FGF14: variants seen among roughly 807,000 people sequenced by gnomAD.
The protein encoded by FGF14 is fibroblast growth factor homologous factor 4.
Under a neutral mutation model 25.5 loss-of-function variants are expected in FGF14, and 5 were observed. The observed-to-expected ratio is 0.20, with a 90% CI of 0.10 to 0.41. The LOEUF (loss-of-function observed/expected upper bound fraction) is 0.41, where lower values mean the gene tolerates loss of function less well. FGF14 is among the 10% of genes least tolerant of loss of function. The pLI is 1.00. For missense variants in FGF14, 222 were observed against 320.1 expected, an observed-to-expected ratio of 0.69 and a Z score of 2.34; for synonymous variants, 138 against 118.3, an observed-to-expected ratio of 1.17 and a Z score of -1.08.
chr13:102,144,389 G>A (rs1418130526), intron 1 of FGF14, among the ~76,000 whole-genome samples: 1 of 151,994 alleles, frequency 6.6e-6, no homozygotes, highest in African/African-American at 2.4e-5. Flanking sequence ...ATAAATGGAA[G>A]TACATAAAAA....
intron 1 of FGF14, among the ~76,000 whole-genome samples, chr13:102,219,245 T>G (rs1303651524): frequency 6.6e-6 from 1 of 152,228 alleles, no homozygotes; most frequent in Non-Finnish European, 1.5e-5. Flanking sequence ...CTGTTTCCTG[T>G]GTGGGCCTTT....
chr13:102,178,394 T>G (rs1024878054), intron 1 of FGF14, among the ~76,000 whole-genome samples: 1 of 152,178 alleles, frequency 6.6e-6, no homozygotes, highest in Non-Finnish European at 1.5e-5. Context: ...CATTAATTAT[T>G]TTATTTTTTA....
At chr13:101,882,944 A>G (rs1254348668) in intron 1 of FGF14, among the ~76,000 whole-genome samples, 1 of 152,072 alleles carries the variant, frequency 6.6e-6, no homozygotes, top group Non-Finnish European at 1.5e-5. Flanking sequence ...TTTTTTATTA[A>G]TAATCCTCTC....
intron 3 of FGF14, among the ~76,000 whole-genome samples, chr13:101,819,497 A>G (rs148247379): frequency 6.6e-6 from 1 of 152,334 alleles, no homozygotes; most frequent in East Asian, 1.9e-4. Context: ...ATCTTCCATT[A>G]TATTCTACCT....
intron 1 of FGF14, among the ~76,000 whole-genome samples, chr13:102,341,187 G>A (rs934592538): frequency 6.6e-6 from 1 of 152,086 alleles, no homozygotes; most frequent in African/African-American, 2.4e-5. Flanking sequence ...AAAGAAGTAG[G>A]ATGGGATTTA....
At chr13:102,296,641 G>C (rs570738246) in intron 1 of FGF14, among the ~76,000 whole-genome samples, 1 of 152,186 alleles carries the variant, frequency 6.6e-6, no homozygotes, top group South Asian at 2.1e-4. Flanking sequence ...CACAACTATA[G>C]AAGCACAATT....
chr13:102,397,614 G>T (rs1328960552), intron 1 of FGF14, among the ~76,000 whole-genome samples: 1 of 152,150 alleles, frequency 6.6e-6, no homozygotes, highest in Non-Finnish European at 1.5e-5. Context: ...GTGGTTGAGT[G>T]GGTATATCTA....
intron 3 of FGF14, among the ~76,000 whole-genome samples, chr13:101,761,697 CT>C (rs2038039530): frequency 6.6e-6 from 1 of 152,184 alleles, no homozygotes; most frequent in Admixed American, 6.5e-5. Flanking sequence ...GATCTGATCA[CT>C]GTACACTATA....
In FGF14 at chr13:101,722,744, T is replaced by C. The variant is rs1299330293; in HGVS notation, c.*87A>G. On this transcript the variant is annotated 3_prime_UTR_variant, in exon 5 of 5. Transcript: ENST00000376143. Reference sequence around the variant, plus strand: ...AGCATTAGCTTACTTCCTGCTGCTCTTCAGCCACGGAGCAGGAATGTCTGG... The same window carrying C: ...AGCATTAGCTTACTTCCTGCTGCTCCTCAGCCACGGAGCAGGAATGTCTGG... The C allele has an allele frequency of 1.2e-5, 19 of 1,571,942 alleles. 1 individual carries two copies. In the East Asian group the frequency reaches 2.0e-4, roughly 17 times the overall value.
intron 1 of FGF14, among the ~76,000 whole-genome samples, chr13:102,088,446 T>G (rs2044024815): frequency 6.6e-6 from 1 of 152,188 alleles, no homozygotes; most frequent in African/African-American, 2.4e-5. Context: ...CAATGTACCA[T>G]TTGCATAACT....
At chr13:102,188,282 G>A (rs373649250) in intron 1 of FGF14, among the ~76,000 whole-genome samples, 37 of 152,114 alleles carry the variant, frequency 2.4e-4, no homozygotes, top group African/African-American at 8.2e-4. Flanking sequence ...TTTAGACTGG[G>A]AAAAAAACAA....
At chr13:101,966,273 C>A (rs2037189293) in intron 1 of FGF14, among the ~76,000 whole-genome samples, 1 of 151,968 alleles carries the variant, frequency 6.6e-6, no homozygotes, top group African/African-American at 2.4e-5. Flanking sequence ...CACACTTATG[C>A]AAAAAGAACA....
At position 102,352,069 on chromosome 13, in the gene FGF14, T is replaced by C. The variant is rs931769949; in HGVS notation, c.208+49402A>G. Among the ~76,000 whole-genome samples the C allele has an allele frequency of 5.9e-5, 9 of 152,164 alleles. No homozygotes were observed. In the East Asian group the frequency reaches 1.7e-3, roughly 29 times the overall value. Reference sequence around the variant, plus strand: ...TCTGCAACCTAACTACAAGCAAATGTTTAAAACGCAGCTTTTTTGGTAAAG... The same window carrying C: ...TCTGCAACCTAACTACAAGCAAATGCTTAAAACGCAGCTTTTTTGGTAAAG... On this transcript the variant is annotated intron_variant, in intron 1 of 4. Coordinates refer to the FGF14 transcript ENST00000376131.
chr13:101,973,990 G>C (rs746212668), intron 1 of FGF14, among the ~76,000 whole-genome samples: 1 of 152,076 alleles, frequency 6.6e-6, no homozygotes, highest in Non-Finnish European at 1.5e-5. Context: ...TATTAGAATG[G>C]AAATATTTCA....
At chr13:102,027,620 T>C (rs996590267) in intron 1 of FGF14, among the ~76,000 whole-genome samples, 1 of 152,084 alleles carries the variant, frequency 6.6e-6, no homozygotes, top group Non-Finnish European at 1.5e-5. Context: ...GTCAAAACTT[T>C]TTAGAAAATT....
chr13:102,203,320 T>C (rs971308536), intron 1 of FGF14, among the ~76,000 whole-genome samples: 3 of 152,202 alleles, frequency 2.0e-5, no homozygotes, highest in African/African-American at 7.2e-5. Context: ...TCTCTTGAAC[T>C]ACGTGATGTA....
chr13:102,214,174 T>C (rs2050272188), intron 1 of FGF14, among the ~76,000 whole-genome samples: 2 of 152,372 alleles, frequency 1.3e-5, no homozygotes, highest in Admixed American at 6.5e-5. Context: ...ACTTGCAAAA[T>C]TAACAATATT....
chr13:102,076,972 T>TA (rs1218602834), intron 1 of FGF14, among the ~76,000 whole-genome samples: 1 of 151,940 alleles, frequency 6.6e-6, no homozygotes, highest in African/African-American at 2.4e-5. Flanking sequence ...AGCATAGAAA[T>TA]AAAACCACAT....
chr13:102,153,087 T>G (rs1256043772), intron 1 of FGF14, among the ~76,000 whole-genome samples: 1 of 152,070 alleles, frequency 6.6e-6, no homozygotes, highest in African/African-American at 2.4e-5. Flanking sequence ...GCCTATAGAG[T>G]GAAGCGATTA....
Sources: allele counts gnomAD v4.1 joint callset (sites outside exome capture counted in the v4.1 genomes callset), GRCh38; gene constraint gnomAD v4.1.1; transcripts MANE v1.5; gene names NCBI Gene and HGNC (gene_info 2026-07-23, HGNC 2026-07-21).